The following ESRRG variants were observed in gnomAD, a reference collection of about 807,000 sequenced individuals.
ESRRG encodes the protein estrogen related receptor gamma.
A neutral mutation model predicts 44.0 loss-of-function variants in ESRRG; 13 were observed. The observed-to-expected ratio is 0.30, with a 90% CI of 0.19 to 0.47. The LOEUF (loss-of-function observed/expected upper bound fraction) is 0.47, where lower values mean the gene tolerates loss of function less well. ESRRG is among the 20% of genes least tolerant of loss of function. The pLI is 1.00. For synonymous variants in ESRRG, 215 were observed against 214.6 expected, an observed-to-expected ratio of 1.00 and a Z score of -0.02; for missense variants, 395 against 580.6, an observed-to-expected ratio of 0.68 and a Z score of 3.29.
chr1:216,552,530 C>T (rs748665299), intron 5 of ESRRG, among the ~76,000 whole-genome samples: 1 of 152,100 alleles, frequency 6.6e-6, no homozygotes, highest in Non-Finnish European at 1.5e-5. Flanking sequence ...GGGCACTTGG[C>T]CTGCGTTAGC....
chr1:216,565,446 A>G (rs7553212), intron 4 of ESRRG, among the ~76,000 whole-genome samples: 42,905 of 152,120 alleles, frequency 0.28, 6,407 homozygotes, highest in South Asian at 0.34. Context: ...GAACACAGCC[A>G]AAGTTCCCAA....
chr1:216,578,128 T>A (rs1005624273), intron 3 of ESRRG, among the ~76,000 whole-genome samples: 1 of 152,110 alleles, frequency 6.6e-6, no homozygotes, highest in Non-Finnish European at 1.5e-5. Context: ...ATATGGTATA[T>A]GTTCCCAGGT....
intron 2 of ESRRG, among the ~76,000 whole-genome samples, chr1:216,842,557 T>C (rs1328810426): frequency 6.6e-6 from 1 of 152,146 alleles, no homozygotes; most frequent in Admixed American, 6.5e-5. Context: ...CTCCAATCCA[T>C]AGTGTCCTTA....
intron 2 of ESRRG, 98 bp from the exon 3 acceptor site, chr1:216,651,187 A>G: frequency 1.3e-6 from 1 of 758,596 alleles, no homozygotes; most frequent in Non-Finnish European, 2.4e-6. Flanking sequence ...TTACTCTCCC[A>G]CCCCAAAAAA....
chr1:216,701,381 G>A (rs192129157), intron 1 of ESRRG: 1 of 152,302 alleles, frequency 6.6e-6, no homozygotes, highest in African/African-American at 2.4e-5. Context: ...GTGAGATCCT[G>A]TCAGGAAACG....
At position 216,766,963 on chromosome 1, in the gene ESRRG, A is replaced by G. The variant is rs11572635; in HGVS notation, c.-13-89472T>C. ...GAGCTAAAGAAATTTTTCTTCCCCTACAAATAAAACCTGATGAAGCTCGAA... is the reference window on the plus strand; with the variant it reads ...GAGCTAAAGAAATTTTTCTTCCCCTGCAAATAAAACCTGATGAAGCTCGAA... On this transcript the variant is annotated intron_variant, in intron 2 of 7. Transcript: ENST00000359162. 4.2e-3 allele frequency among the ~76,000 whole-genome samples: 635 copies of G among 152,220 alleles called. 7 individuals are homozygous for G. The highest frequency in any genetic ancestry group is 7.7e-3 in the South Asian group (37 of 4,830).
chr1:216,526,212 T>C (rs2047598414), intron 5 of ESRRG, among the ~76,000 whole-genome samples: 2 of 152,132 alleles, frequency 1.3e-5, no homozygotes, highest in Non-Finnish European at 2.9e-5. Context: ...TGATCTGACT[T>C]GTGCCATCCC....
intron 1 of ESRRG, among the ~76,000 whole-genome samples, chr1:217,017,305 C>T (rs751593918): frequency 6.6e-6 from 1 of 151,672 alleles, no homozygotes; most frequent in African/African-American, 2.4e-5. Context: ...ATGCAGAAAA[C>T]CTAATATAAT....
chr1:216,828,072 C>A (rs2095427008), intron 2 of ESRRG, among the ~76,000 whole-genome samples: 1 of 152,150 alleles, frequency 6.6e-6, no homozygotes, highest in South Asian at 2.1e-4. Flanking sequence ...AAAACTAACT[C>A]TTTCCTGGTT....
At chr1:216,532,693 C>T (rs2049749197) in intron 5 of ESRRG, among the ~76,000 whole-genome samples, 1 of 152,128 alleles carries the variant, frequency 6.6e-6, no homozygotes, top group Non-Finnish European at 1.5e-5. Context: ...TTACTCTGAG[C>T]ACCAGCTCCT....
At chr1:217,034,939 T>C (rs570143017) in intron 1 of ESRRG, among the ~76,000 whole-genome samples, 6 of 152,198 alleles carry the variant, frequency 3.9e-5, no homozygotes, top group Non-Finnish European at 5.9e-5. Flanking sequence ...AAATAACGCC[T>C]TCTAGGTATC....
intron 2 of ESRRG, among the ~76,000 whole-genome samples, chr1:216,916,959 G>C (rs1406710318): frequency 7.1e-6 from 1 of 140,936 alleles, no homozygotes; most frequent in Non-Finnish European, 1.5e-5. Flanking sequence ...TCCATAATCT[G>C]GGCGGGGCTC....
intron 1 of ESRRG, among the ~76,000 whole-genome samples, chr1:217,083,871 C>T (rs1293857954): frequency 1.3e-5 from 2 of 152,154 alleles, no homozygotes; most frequent in Non-Finnish European, 2.9e-5. Flanking sequence ...GCTACAGTCT[C>T]TAAGAAAAGC....
chr1:216,949,395 T>A (rs181831936), intron 1 of ESRRG, among the ~76,000 whole-genome samples: 1 of 152,324 alleles, frequency 6.6e-6, no homozygotes, highest in Non-Finnish European at 1.5e-5. Flanking sequence ...AAGATAAGCA[T>A]GTGTTTCTGG....
chr1:217,115,685 GC>G (rs1244968577), intron 1 of ESRRG, among the ~76,000 whole-genome samples: 2 of 152,130 alleles, frequency 1.3e-5, no homozygotes, highest in Non-Finnish European at 2.9e-5. Flanking sequence ...TCTCGTGCAT[GC>G]CTTCTTTGTC....
At chr1:216,972,301 G>A (rs1186875947) in intron 1 of ESRRG, among the ~76,000 whole-genome samples, 1 of 152,080 alleles carries the variant, frequency 6.6e-6, no homozygotes, top group South Asian at 2.1e-4. Context: ...GGCTAATTAG[G>A]CTTGCTCCTA....
intron 1 of ESRRG, among the ~76,000 whole-genome samples, chr1:217,125,080 G>A (rs933791216): frequency 2.0e-5 from 3 of 152,178 alleles, no homozygotes; most frequent in African/African-American, 7.2e-5. Flanking sequence ...GCTCAGGGCT[G>A]ATCTGTATCA....
chr1:216,672,347 T>C (rs987777005), intron 2 of ESRRG, among the ~76,000 whole-genome samples: 3 of 152,200 alleles, frequency 2.0e-5, no homozygotes, highest in South Asian at 2.1e-4. Context: ...AACTTGAAAA[T>C]AGTCAACAAG....
chr1:216,732,712 G>A (rs908181071), intron 2 of ESRRG, among the ~76,000 whole-genome samples: 3 of 151,898 alleles, frequency 2.0e-5, no homozygotes, highest in Admixed American at 1.3e-4. Context: ...GCTAAGGGAG[G>A]AGGATTGCTG....
Sources: gnomAD v4.1 joint callset for allele counts (sites outside exome capture counted in the v4.1 genomes callset) on GRCh38, gnomAD v4.1.1 for gene constraint, MANE v1.5 for transcripts, NCBI Gene and HGNC (gene_info 2026-07-23, HGNC 2026-07-21) for gene names.